Variants in PHTF2 observed in about 807,000 individuals in gnomAD.
The protein encoded by PHTF2 is putative homeodomain transcription factor 2, also known as protein PHTF2.
Under a neutral mutation model 101.2 loss-of-function variants are expected in PHTF2, and 60 were observed. The observed-to-expected ratio is 0.59, with a 90% CI of 0.48 to 0.73. The LOEUF is 0.73. Ranked by LOEUF, PHTF2 falls within the 30% of genes least tolerant of loss-of-function variation. PHTF2 has a pLI of 0.00. For missense variants in PHTF2, 747 were observed against 908.7 expected, an observed-to-expected ratio of 0.82 and a Z score of 2.29; for synonymous variants, 311 against 307.3, an observed-to-expected ratio of 1.01 and a Z score of -0.13.
chr7:77,860,985 T>C (rs1450367818), intron 3 of PHTF2, among the ~76,000 whole-genome samples: 1 of 152,190 alleles, frequency 6.6e-6, no homozygotes, highest in African/African-American at 2.4e-5. Flanking sequence ...ATTACAGTCA[T>C]GAGCCACCTT....
chr7:77,895,195 G>A (rs1800772466), intron 5 of PHTF2: 1 of 455,550 alleles, frequency 2.2e-6, no homozygotes, highest in African/African-American at 2.0e-5. Context: ...ATATGTATAG[G>A]TATGTGTTTG....
At chr7:77,878,447 A>T (rs984452262) in intron 3 of PHTF2, among the ~76,000 whole-genome samples, 23 of 152,238 alleles carry the variant, frequency 1.5e-4, no homozygotes, top group African/African-American at 5.5e-4. Flanking sequence ...TGTTATCTGT[A>T]GGAGCAACTG....
At chr7:77,876,357 G>A (rs1798943772) in intron 3 of PHTF2, among the ~76,000 whole-genome samples, 1 of 152,128 alleles carries the variant, frequency 6.6e-6, no homozygotes, top group African/African-American at 2.4e-5. Flanking sequence ...TACTGACTAG[G>A]TCGATTTTGG....
intron 3 of PHTF2, among the ~76,000 whole-genome samples, chr7:77,873,222 C>T (rs1798663648): frequency 6.6e-6 from 1 of 152,198 alleles, no homozygotes; most frequent in East Asian, 1.9e-4. Context: ...CCACTGTGCT[C>T]GGCCTAGAAC....
At chr7:77,917,009 A>C (rs1802991902) in intron 9 of PHTF2, among the ~76,000 whole-genome samples, 1 of 152,130 alleles carries the variant, frequency 6.6e-6, no homozygotes, top group African/African-American at 2.4e-5. Context: ...TCTTGCCCTA[A>C]TTATTGTTAT....
At chr7:77,900,371 C>A (rs1317917323) in intron 5 of PHTF2, among the ~76,000 whole-genome samples, 1 of 152,198 alleles carries the variant, frequency 6.6e-6, no homozygotes, top group Non-Finnish European at 1.5e-5. Flanking sequence ...CTAGCCTCAA[C>A]GCTCTCCAAA....
chr7:77,818,548 A>G (rs1032692314), intron 1 of PHTF2, among the ~76,000 whole-genome samples: 4 of 152,200 alleles, frequency 2.6e-5, no homozygotes, highest in African/African-American at 9.7e-5. Context: ...CCTTTGTCAA[A>G]AATCAGTTAA....
At chr7:77,865,096 C>A (rs914292432) in intron 3 of PHTF2, among the ~76,000 whole-genome samples, 19 of 152,222 alleles carry the variant, frequency 1.2e-4, no homozygotes, top group African/African-American at 4.3e-4. Flanking sequence ...ATTGTTTCTG[C>A]ATGGAGACAG....
intron 3 of PHTF2, among the ~76,000 whole-genome samples, chr7:77,867,738 A>T (rs2150701209): frequency 6.6e-6 from 1 of 152,314 alleles, no homozygotes; most frequent in Non-Finnish European, 1.5e-5. Context: ...GCAGTTGACA[A>T]GAGTATGTGA....
At chr7:77,903,876 A>T (rs1256398620) in intron 7 of PHTF2, among the ~76,000 whole-genome samples, 2 of 152,238 alleles carry the variant, frequency 1.3e-5, no homozygotes, top group Admixed American at 1.3e-4. Context: ...GCACTTCTTG[A>T]AAGGCAGAAA....
At chr7:77,868,015 T>C (rs1798206445) in intron 3 of PHTF2, among the ~76,000 whole-genome samples, 1 of 152,220 alleles carries the variant, frequency 6.6e-6, no homozygotes, top group Non-Finnish European at 1.5e-5. Context: ...ATCATAAATA[T>C]ACCCATTAAT....
chr7:77,951,632 A>G, exon 18 of PHTF2: 1 of 1,411,626 alleles, frequency 7.1e-7, no homozygotes, highest in Non-Finnish European at 9.7e-7. Context: ...CCTCTACTTG[A>G]AAATGGAGAA....
At chr7:77,830,780 G>A (rs1795020212) in intron 1 of PHTF2, among the ~76,000 whole-genome samples, 1 of 152,172 alleles carries the variant, frequency 6.6e-6, no homozygotes, top group Non-Finnish European at 1.5e-5. Flanking sequence ...AGCTGCATCT[G>A]GTGACAGGCT....
chr7:77,928,810 C>G (rs1011739408), intron 11 of PHTF2, among the ~76,000 whole-genome samples: 4 of 152,216 alleles, frequency 2.6e-5, no homozygotes, highest in African/African-American at 9.6e-5. Flanking sequence ...ACTACTTAGA[C>G]TACTCTCTCT....
intron 3 of PHTF2, among the ~76,000 whole-genome samples, chr7:77,861,319 C>G (rs1048084639): frequency 1.3e-5 from 2 of 152,004 alleles, no homozygotes; most frequent in African/African-American, 4.8e-5. Context: ...GAATAGATAG[C>G]TATAAAGGCA....
chr7:77,886,112 C>T (rs1182097950), intron 3 of PHTF2, among the ~76,000 whole-genome samples: 1 of 152,120 alleles, frequency 6.6e-6, no homozygotes, highest in Non-Finnish European at 1.5e-5. Context: ...TTTATCTAAG[C>T]ACTCAGTCTA....
chr7:77,884,622 C>T (rs1028163512), intron 3 of PHTF2, among the ~76,000 whole-genome samples: 4 of 152,122 alleles, frequency 2.6e-5, no homozygotes, highest in East Asian at 3.8e-4. Flanking sequence ...TTGGGCTGGG[C>T]GCAGTGGCTT....
At chr7:77,923,119 T>C in intron 11 of PHTF2, 1 of 999,900 alleles carries the variant, frequency 1.0e-6, no homozygotes, top group Non-Finnish European at 1.2e-6. Flanking sequence ...CATTTGATCA[T>C]AGCAAAGTTA....
At chr7:77,936,618 G>T (rs567905432) in intron 12 of PHTF2, among the ~76,000 whole-genome samples, 24 of 151,940 alleles carry the variant, frequency 1.6e-4, no homozygotes, top group Non-Finnish European at 2.8e-4. Context: ...AGGTTGCAGT[G>T]AGCTGAGATC....
Sources: allele counts gnomAD v4.1 joint callset (sites outside exome capture counted in the v4.1 genomes callset), GRCh38; gene constraint gnomAD v4.1.1; transcripts MANE v1.5; gene names NCBI Gene and HGNC (gene_info 2026-07-23, HGNC 2026-07-21).